SMYD3: variants seen among roughly 807,000 people sequenced by gnomAD.
SMYD3 encodes the protein histone-lysine N-methyltransferase SMYD3.
SMYD3 carries 36 observed loss-of-function variants against 57.7 expected under a neutral mutation model. That is an observed-to-expected ratio of 0.62 (90% CI 0.48 to 0.82). SMYD3 has a LOEUF of 0.82. Ranked by LOEUF, SMYD3 falls within the 40% of genes least tolerant of loss-of-function variation. SMYD3 has a pLI of 0.00. For missense variants in SMYD3, 515 were observed against 538.8 expected, an observed-to-expected ratio of 0.96 and a Z score of 0.44; for synonymous variants, 211 against 195.0, an observed-to-expected ratio of 1.08 and a Z score of -0.68.
intron 5 of SMYD3, among the ~76,000 whole-genome samples, chr1:246,055,005 C>G (rs2060126123): frequency 6.6e-6 from 1 of 151,624 alleles, no homozygotes; most frequent in African/African-American, 2.4e-5. Flanking sequence ...GAAATCCCGT[C>G]TCTACTAAAA....
chr1:246,046,456 C>A (rs897770007), intron 5 of SMYD3, among the ~76,000 whole-genome samples: 5 of 151,922 alleles, frequency 3.3e-5, no homozygotes, highest in Non-Finnish European at 7.4e-5. Flanking sequence ...AGGGGAACAT[C>A]ACACACCGGG....
rs1009889296 is a variant in SMYD3, at chr1:246,244,720, G to C, written c.531+82481C>G. Among the ~76,000 whole-genome samples the C allele has an allele frequency of 3.9e-5, 6 of 152,258 alleles. 1 individual carries two copies. The highest frequency in any genetic ancestry group is 1.4e-4 in the African/African-American group (6 of 41,568). On this transcript the variant is annotated intron_variant, in intron 5 of 11. Transcript: ENST00000490107. Reference sequence around the variant, plus strand: ...TTTCTAGTTGTGTAAAAAGGGACAAGAAGCACTCCTAACACTGTTTTCATT... The same window carrying C: ...TTTCTAGTTGTGTAAAAAGGGACAACAAGCACTCCTAACACTGTTTTCATT...
rs1190495578 is a variant in SMYD3 at position 246,502,678 on chromosome 1, T to C, written c.164+4376A>G. Among the ~76,000 whole-genome samples, 7 of 152,252 alleles carry C rather than the reference T, an allele frequency of 4.6e-5. No homozygotes were observed. The South Asian group carries it at 6.2e-4, about 14-fold the overall frequency. On this transcript the variant is annotated intron_variant, in intron 1 of 11. Coordinates refer to ENST00000490107, the MANE Select transcript of SMYD3 (RefSeq NM_001167740.2). The stretch of plus-strand genomic sequence containing the variant: ...GTCTTATCGGACATCCTAGAAGAAA[T>C]AGTGGCAAGAAGACCTTGGATCTGT...
At chr1:246,477,378 T>C (rs1361142275) in intron 1 of SMYD3, among the ~76,000 whole-genome samples, 2 of 152,218 alleles carry the variant, frequency 1.3e-5, no homozygotes, top group African/African-American at 4.8e-5. Flanking sequence ...ACATACATAC[T>C]AAAATCATCT....
At chr1:246,352,044 C>G (rs1265338549) in intron 2 of SMYD3, among the ~76,000 whole-genome samples, 1 of 141,912 alleles carries the variant, frequency 7.0e-6, no homozygotes, top group African/African-American at 2.6e-5. Flanking sequence ...GGCTGAGGCC[C>G]AAGAATTGCT....
intron 1 of SMYD3, among the ~76,000 whole-genome samples, chr1:246,410,771 T>C (rs1435946725): frequency 6.6e-6 from 1 of 152,148 alleles, no homozygotes; most frequent in Non-Finnish European, 1.5e-5. Flanking sequence ...GTACCTCTGG[T>C]AGAATTCGGC....
At chr1:246,470,368 C>T (rs1343355887) in intron 1 of SMYD3, among the ~76,000 whole-genome samples, 1 of 151,802 alleles carries the variant, frequency 6.6e-6, no homozygotes, top group Admixed American at 6.6e-5. Context: ...TAGTGGCACA[C>T]ACGTGTAATC....
At chr1:246,250,861 T>C (rs951402998) in intron 5 of SMYD3, among the ~76,000 whole-genome samples, 1 of 152,228 alleles carries the variant, frequency 6.6e-6, no homozygotes, top group African/African-American at 2.4e-5. Context: ...TTAAGCTCTT[T>C]TAAAAATTAA....
intron 5 of SMYD3, among the ~76,000 whole-genome samples, chr1:246,285,426 C>T (rs944102967): frequency 8.6e-5 from 13 of 152,038 alleles, no homozygotes; most frequent in Admixed American, 5.9e-4. Context: ...TACAAACATG[C>T]GAGTGCAAGC....
At chr1:246,187,370 C>T (rs766836972) in intron 5 of SMYD3, among the ~76,000 whole-genome samples, 18 of 151,776 alleles carry the variant, frequency 1.2e-4, no homozygotes, top group Non-Finnish European at 2.2e-4. Context: ...GACCCAAAAG[C>T]ACTCTGAGAA....
intron 5 of SMYD3, among the ~76,000 whole-genome samples, chr1:246,309,671 T>C (rs148144535): frequency 1.3e-5 from 2 of 152,180 alleles, no homozygotes; most frequent in South Asian, 4.1e-4. Context: ...AGGACACTAA[T>C]GAGGTTTTAG....
intron 8 of SMYD3, among the ~76,000 whole-genome samples, chr1:245,877,775 C>T (rs1013473561): frequency 6.6e-6 from 1 of 152,194 alleles, no homozygotes; most frequent in Non-Finnish European, 1.5e-5. Context: ...CGCTTTTGGA[C>T]ATGCTAATAT....
At chr1:246,300,017 GT>G (rs1237182865) in intron 5 of SMYD3, among the ~76,000 whole-genome samples, 4 of 146,672 alleles carry the variant, frequency 2.7e-5, no homozygotes, top group South Asian at 4.3e-4. Flanking sequence ...TAAAATTAAA[GT>G]TTAAAAAAAA....
At chr1:245,858,783 G>T in intron 9 of SMYD3, 113 bp from the exon 10 acceptor site, 1 of 1,090,332 alleles carries the variant, frequency 9.2e-7, no homozygotes, top group Non-Finnish European at 1.3e-6. Flanking sequence ...GGAAGCACCC[G>T]TTATTTTTCA....
chr1:246,500,828 A>G (rs1380653749), intron 1 of SMYD3, among the ~76,000 whole-genome samples: 6 of 152,338 alleles, frequency 3.9e-5, no homozygotes, highest in Non-Finnish European at 1.5e-5. Context: ...TGGCATTCAC[A>G]TGGACCAAAT....
chr1:246,043,019 G>A (rs908767240), intron 5 of SMYD3, among the ~76,000 whole-genome samples: 2 of 152,106 alleles, frequency 1.3e-5, no homozygotes, highest in East Asian at 1.9e-4. Flanking sequence ...GAACACACTG[G>A]GAAATGTTTG....
At chr1:246,112,881 T>C (rs1456536909) in intron 5 of SMYD3, among the ~76,000 whole-genome samples, 1 of 152,126 alleles carries the variant, frequency 6.6e-6, no homozygotes, top group Non-Finnish European at 1.5e-5. Flanking sequence ...AGTTATTTCA[T>C]ACAAATAGAA....
intron 5 of SMYD3, among the ~76,000 whole-genome samples, chr1:246,164,823 T>A (rs1162055115): frequency 6.6e-6 from 1 of 152,226 alleles, no homozygotes; most frequent in Non-Finnish European, 1.5e-5. Context: ...CATCTATTTA[T>A]CAGTCCGTTC....
intron 5 of SMYD3, among the ~76,000 whole-genome samples, chr1:246,102,160 G>A (rs1010905587): frequency 2.6e-5 from 4 of 152,128 alleles, no homozygotes; most frequent in Admixed American, 1.3e-4. Flanking sequence ...CACTATGTAC[G>A]TAGCTCAAGC....
Sources: allele counts gnomAD v4.1 joint callset (sites outside exome capture counted in the v4.1 genomes callset), GRCh38; gene constraint gnomAD v4.1.1; transcripts MANE v1.5; gene names NCBI Gene and HGNC (gene_info 2026-07-23, HGNC 2026-07-21).